Variants in FHAD1 observed in about 807,000 individuals in gnomAD.
FHAD1 encodes forkhead-associated domain-containing protein 1.
A neutral mutation model predicts 191.3 loss-of-function variants in FHAD1; 146 were observed. That is an observed-to-expected ratio of 0.76 (90% CI 0.67 to 0.88). The LOEUF is 0.88. FHAD1 is among the 40% of genes least tolerant of loss of function. FHAD1 has a pLI of 0.00. For synonymous variants in FHAD1, 616 were observed against 672.3 expected, an observed-to-expected ratio of 0.92 and a Z score of 1.29; for missense variants, 1,635 against 1,785.8, an observed-to-expected ratio of 0.92 and a Z score of 1.52.
intron 28 of FHAD1, among the ~76,000 whole-genome samples, chr1:15,378,840 C>T (rs1251839943): frequency 1.3e-5 from 2 of 152,006 alleles, no homozygotes; most frequent in African/African-American, 4.8e-5. Flanking sequence ...GTGTTCGTGG[C>T]GAGCACTTAA....
At chr1:15,288,803 TCA>T (rs1558010649) in intron 3 of FHAD1, among the ~76,000 whole-genome samples, 1 of 152,168 alleles carries the variant, frequency 6.6e-6, no homozygotes, top group Non-Finnish European at 1.5e-5. Flanking sequence ...AGTGTTGATA[TCA>T]CAGAGTGTTG....
upstream of FHAD1, among the ~76,000 whole-genome samples, chr1:15,244,925 G>A (rs1645821142): frequency 6.6e-6 from 1 of 152,188 alleles, no homozygotes; most frequent in Admixed American, 6.5e-5. The surrounding 1 kb of genome is among the most constrained non-coding windows in gnomAD (Gnocchi z 5.1). Context: ...GGTTGTACAA[G>A]AAGCATGGTG....
At chr1:15,244,084 C>G (rs78641803), upstream of FHAD1, among the ~76,000 whole-genome samples, 32 of 151,920 alleles carry the variant, frequency 2.1e-4, no homozygotes, top group Non-Finnish European at 4.3e-4. The surrounding 1 kb of genome is among the most constrained non-coding windows in gnomAD (Gnocchi z 5.1). Flanking sequence ...TTTTTAATGC[C>G]GCATCACTGT....
chr1:15,260,535 G>A (rs1573734533), intron 2 of FHAD1, among the ~76,000 whole-genome samples: 1 of 152,170 alleles, frequency 6.6e-6, no homozygotes, highest in Non-Finnish European at 1.5e-5. Flanking sequence ...CCAGGGAATC[G>A]TCTGCTTCTA....
chr1:15,392,908 A>C (rs946728410), intron 33 of FHAD1, among the ~76,000 whole-genome samples: 4 of 152,122 alleles, frequency 2.6e-5, no homozygotes, highest in Middle Eastern at 3.2e-3. Flanking sequence ...TACCGTGCTA[A>C]GCACTGGGGA....
At chr1:15,344,718 T>A (rs913117725) in intron 16 of FHAD1, among the ~76,000 whole-genome samples, 2 of 152,240 alleles carry the variant, frequency 1.3e-5, no homozygotes, top group African/African-American at 2.4e-5. Flanking sequence ...TAAGCCTGTT[T>A]CCTCCTCTGC....
intron 2 of FHAD1, among the ~76,000 whole-genome samples, chr1:15,261,571 C>G (rs1651079197): frequency 6.6e-6 from 1 of 152,158 alleles, no homozygotes; most frequent in Non-Finnish European, 1.5e-5. Flanking sequence ...CTCAGAGATA[C>G]CGCCTGAAAC....
chr1:15,309,512 C>T (rs1025710995), intron 7 of FHAD1, among the ~76,000 whole-genome samples: 18 of 152,142 alleles, frequency 1.2e-4, no homozygotes, highest in Non-Finnish European at 2.2e-4. Flanking sequence ...AGCTGGACAC[C>T]GTGGTGGGGA....
chr1:15,353,653 C>A (rs1430261268), intron 20 of FHAD1, among the ~76,000 whole-genome samples: 7 of 140,324 alleles, frequency 5.0e-5, no homozygotes, highest in Non-Finnish European at 7.5e-5. Context: ...TGCAGGGAGC[C>A]GAGATTGCCC....
chr1:15,347,584 G>A (rs1689362872), intron 18 of FHAD1, among the ~76,000 whole-genome samples: 1 of 152,148 alleles, frequency 6.6e-6, no homozygotes, highest in Non-Finnish European at 1.5e-5. Context: ...CAAGTAGCTG[G>A]GACTACAGGT....
chr1:15,366,372 G>A (rs1359668890), intron 24 of FHAD1, among the ~76,000 whole-genome samples: 1 of 151,392 alleles, frequency 6.6e-6, no homozygotes, highest in African/African-American at 2.4e-5. Context: ...CTTTAACTCA[G>A]GGTCAGCAAA....
chr1:15,352,566 T>G (rs1691256662), intron 19 of FHAD1, among the ~76,000 whole-genome samples: 1 of 152,112 alleles, frequency 6.6e-6, no homozygotes, highest in African/African-American at 2.4e-5. Flanking sequence ...GCCAGTTTAT[T>G]TAGTAACTCA....
At chr1:15,391,908 G>A (rs1704152883) in intron 33 of FHAD1, among the ~76,000 whole-genome samples, 1 of 152,220 alleles carries the variant, frequency 6.6e-6, no homozygotes, top group Admixed American at 6.5e-5. Context: ...ATGAAGGGGA[G>A]GCCTGTTGCT....
chr1:15,240,973 A>C (rs12075725), intron 1 of FHAD1, among the ~76,000 whole-genome samples: 4 of 77,816 alleles, frequency 5.1e-5, no homozygotes, highest in African/African-American at 1.0e-4. Context: ...AAAAAAAAAA[A>C]AAAGAAAGAA....
At chr1:15,275,186 T>A (rs945834269) in intron 3 of FHAD1, among the ~76,000 whole-genome samples, 8 of 152,154 alleles carry the variant, frequency 5.3e-5, no homozygotes, top group Admixed American at 2.6e-4. Flanking sequence ...ATGGTCTCGA[T>A]CTCCTGACCT....
intron 2 of FHAD1, among the ~76,000 whole-genome samples, chr1:15,267,881 A>T (rs1255625810): frequency 2.0e-5 from 3 of 147,794 alleles, no homozygotes; most frequent in Non-Finnish European, 4.5e-5. Flanking sequence ...TAATATAAAT[A>T]TATTGATATG....
intron 3 of FHAD1, among the ~76,000 whole-genome samples, chr1:15,280,331 A>T (rs1205218394): frequency 6.6e-6 from 1 of 151,982 alleles, no homozygotes; most frequent in Non-Finnish European, 1.5e-5. Flanking sequence ...CTTGGAGGGG[A>T]CCTGCTGATG....
At chr1:15,387,917 T>C (rs959855715) in intron 31 of FHAD1, 134 bp from the exon 32 acceptor site, 2 of 394,258 alleles carry the variant, frequency 5.1e-6, no homozygotes, top group African/African-American at 4.2e-5. Flanking sequence ...CCCGCAGTGA[T>C]CCCTTATCTT....
Position 15,316,298 on chromosome 1 carries a change from G to C in FHAD1, c.1171-80G>C, listed in dbSNP as rs1296972462. 1.8e-6 allele frequency: 2 copies of C among 1,111,948 alleles called. No individual in the cohort carries two copies. Among genetic ancestry groups the C allele is most frequent in the African/African-American group, 1.6e-5 (1 of 63,700 alleles). The allele number at this position is 1,111,948 out of a possible 1,614,324, so 68.9% of individuals were successfully genotyped here. On this transcript the variant is annotated intron_variant, in intron 8 of 33. Transcript: ENST00000688493. This position sits in a 1 kb window ranked among gnomAD's most constrained non-coding sequence, Gnocchi z 4.3. Reference sequence around the variant, plus strand: ...GGAAATGCTCTCAGGGGCTCACATGGGGCCTTGGAGCCCCTCCTTCCCCCG... The same window carrying C: ...GGAAATGCTCTCAGGGGCTCACATGCGGCCTTGGAGCCCCTCCTTCCCCCG...
Sources: allele counts gnomAD v4.1 joint callset (sites outside exome capture counted in the v4.1 genomes callset), GRCh38; gene constraint gnomAD v4.1.1; non-coding constraint Gnocchi (gnomAD v3.1); transcripts MANE v1.5; gene names NCBI Gene and HGNC (gene_info 2026-07-23, HGNC 2026-07-21).